CDC14B: variants seen among roughly 807,000 people sequenced by gnomAD.
CDC14B encodes the protein dual specificity protein phosphatase CDC14B.
Under a neutral mutation model 64.2 loss-of-function variants are expected in CDC14B, and 22 were observed. The observed-to-expected ratio is 0.34, with a 90% confidence interval of 0.24 to 0.49. The LOEUF (loss-of-function observed/expected upper bound fraction) is 0.49. Among genes scored for constraint, CDC14B ranks in the 20% least tolerant of loss-of-function variants. CDC14B has a pLI of 0.99. For missense variants in CDC14B, 498 were observed against 629.9 expected, an observed-to-expected ratio of 0.79 and a Z score of 2.24; for synonymous variants, 191 against 215.8, an observed-to-expected ratio of 0.89 and a Z score of 1.01.
At chr9:96,576,613 A>G (rs1844817928) in intron 1 of CDC14B, among the ~76,000 whole-genome samples, 1 of 143,492 alleles carries the variant, frequency 7.0e-6, no homozygotes, top group African/African-American at 2.6e-5. Context: ...AGCCAGGGCG[A>G]CAGAGCGAGA....
rs1373177979 is a variant in CDC14B at position 96,619,339 on chromosome 9, C to A, written c.40G>T (p.Ala14Ser). 3 of 1,268,164 alleles carry A rather than the reference C, an allele frequency of 2.4e-6. No individual in the cohort carries two copies. The highest frequency in any genetic ancestry group is 3.0e-6 in the Non-Finnish European group (3 of 1,003,362). 78.6% of individuals were successfully genotyped at this position (1,268,164 alleles called of 1,614,324 possible). ...GAGCAGCGCCGCGAGCAGGGGGGCG[C>A]GGCGGCCCAGCTCGACCGCCGCTCG... is the stretch of plus-strand genomic sequence containing the variant. ...KSERRSSWAA[A>S]PPCSRRCSST... The change falls in exon 1 of 14, where the codon GCG (alanine) becomes TCG (serine). Residue 14 changes from alanine (A) to serine (S), a missense_variant. Physicochemically the swap from Ala to Ser is moderately conservative, Grantham distance 99. Transcript: ENST00000375241.
intron 1 of CDC14B, among the ~76,000 whole-genome samples, chr9:96,611,893 A>C (rs1847345531): frequency 6.6e-6 from 1 of 152,196 alleles, no homozygotes; most frequent in African/African-American, 2.4e-5. Context: ...TCAGTAAATA[A>C]TTTCATATAT....
At chr9:96,552,894 T>C (rs1328784893) in intron 4 of CDC14B, among the ~76,000 whole-genome samples, 2 of 152,118 alleles carry the variant, frequency 1.3e-5, no homozygotes, top group African/African-American at 4.8e-5. Context: ...AAAGATTACT[T>C]TGGGGAAATA....
At chr9:96,598,005 G>A (rs1846197472) in intron 1 of CDC14B, among the ~76,000 whole-genome samples, 1 of 152,142 alleles carries the variant, frequency 6.6e-6, no homozygotes. Flanking sequence ...TAATAGAAAA[G>A]ATTAACAGAG....
In CDC14B at chr9:96,500,600, G is replaced by C. The variant is rs1437383870; in HGVS notation, c.*3153C>G. On this transcript the variant is annotated 3_prime_UTR_variant, in exon 14 of 14. Coordinates refer to ENST00000375241, the MANE Select transcript of CDC14B (RefSeq NM_033331.4). ...AGTCATCTCCACTGAGTGACATGGA[G>C]AATAACCTGATGTGGGTAAATGGAA... The C allele has an allele frequency of 6.6e-6, 1 of 152,660 alleles. No individual in the cohort carries two copies. The highest frequency in any genetic ancestry group is 2.4e-5 in the African/African-American group (1 of 41,456). The allele number at this position is 152,660 out of a possible 1,614,324, so 9.5% of individuals were successfully genotyped here.
chr9:96,599,091 T>C (rs1846262808), intron 1 of CDC14B, among the ~76,000 whole-genome samples: 1 of 152,102 alleles, frequency 6.6e-6, no homozygotes, highest in Non-Finnish European at 1.5e-5. Flanking sequence ...TTCTTAGAAG[T>C]ACTTAGAGCC....
chr9:96,512,323 TTTC>T (rs1358202905), intron 12 of CDC14B, among the ~76,000 whole-genome samples: 59 of 150,544 alleles, frequency 3.9e-4, no homozygotes, highest in African/African-American at 9.8e-5. Context: ...TAAAATTTTT[TTTC>T]TTTTTTTTTT....
At chr9:96,520,726 A>G (rs538230238) in intron 12 of CDC14B, among the ~76,000 whole-genome samples, 14 of 152,298 alleles carry the variant, frequency 9.2e-5, no homozygotes, top group African/African-American at 3.4e-4. Flanking sequence ...TCAACCCACA[A>G]AAGCATCAGT....
intron 4 of CDC14B, 89 bp downstream of exon 4, chr9:96,562,604 A>C (rs760709425): frequency 2.6e-5 from 23 of 874,584 alleles, no homozygotes; most frequent in Non-Finnish European, 4.2e-5. Flanking sequence ...AAATCAAGAC[A>C]TTATCTTGAT....
chr9:96,556,984 C>T (rs868662356), intron 4 of CDC14B, among the ~76,000 whole-genome samples: 7 of 152,272 alleles, frequency 4.6e-5, no homozygotes, highest in African/African-American at 1.4e-4. Context: ...AAACAATGAC[C>T]GGAACAAGGA....
At chr9:96,572,656 G>A (rs1844545019) in intron 1 of CDC14B, among the ~76,000 whole-genome samples, 1 of 151,994 alleles carries the variant, frequency 6.6e-6, no homozygotes, top group Admixed American at 6.6e-5. Context: ...ATAAAAAAAA[G>A]CCTATCAACA....
intron 1 of CDC14B, among the ~76,000 whole-genome samples, chr9:96,602,782 C>T (rs73656911): frequency 0.046 from 7,024 of 152,194 alleles, 558 homozygotes; most frequent in African/African-American, 0.16. Flanking sequence ...ATGGAATTAG[C>T]TATTCTTTGC....
intron 5 of CDC14B, among the ~76,000 whole-genome samples, chr9:96,544,659 TAA>T (rs1285301608): frequency 6.6e-6 from 1 of 152,036 alleles, no homozygotes; most frequent in Non-Finnish European, 1.5e-5. Flanking sequence ...CAGGCCTGGC[TAA>T]GTTTTCGTAT....
chr9:96,573,386 T>C (rs1011692867), intron 1 of CDC14B, among the ~76,000 whole-genome samples: 1 of 152,130 alleles, frequency 6.6e-6, no homozygotes, highest in Non-Finnish European at 1.5e-5. Flanking sequence ...GCAATGTTTC[T>C]AGATACAGAA....
At chr9:96,560,582 C>CT (rs373160930) in intron 4 of CDC14B, among the ~76,000 whole-genome samples, 4,482 of 127,644 alleles carry the variant, frequency 0.035, 370 homozygotes, top group African/African-American at 0.059. Flanking sequence ...TTTTCTCTTT[C>CT]TCTTTTTTTT....
At chr9:96,585,815 T>C (rs762038691) in intron 1 of CDC14B, among the ~76,000 whole-genome samples, 2 of 152,200 alleles carry the variant, frequency 1.3e-5, no homozygotes, top group Non-Finnish European at 1.5e-5. Flanking sequence ...CAGATGAATA[T>C]TTCTGCAGCT....
At chr9:96,579,982 A>G (rs1845047411) in intron 1 of CDC14B, among the ~76,000 whole-genome samples, 1 of 152,190 alleles carries the variant, frequency 6.6e-6, no homozygotes, top group Non-Finnish European at 1.5e-5. Flanking sequence ...CAAGGACTAT[A>G]TATAAATAAA....
At chr9:96,511,327 C>T (rs1834876080) in intron 12 of CDC14B, among the ~76,000 whole-genome samples, 1 of 152,214 alleles carries the variant, frequency 6.6e-6, no homozygotes, top group Non-Finnish European at 1.5e-5. Flanking sequence ...AATCCTAGCA[C>T]TTTGAGAGGC....
At chr9:96,602,675 T>C (rs966112316) in intron 1 of CDC14B, among the ~76,000 whole-genome samples, 2 of 152,048 alleles carry the variant, frequency 1.3e-5, no homozygotes, top group African/African-American at 4.8e-5. Flanking sequence ...CCAGCGTCCC[T>C]CCCACTACAC....
Sources: allele counts gnomAD v4.1 joint callset (sites outside exome capture counted in the v4.1 genomes callset), GRCh38; gene constraint gnomAD v4.1.1; transcripts MANE v1.5; gene names NCBI Gene and HGNC (gene_info 2026-07-23, HGNC 2026-07-21).